The following ELOC variants were observed in gnomAD, a reference collection of about 807,000 sequenced individuals.
ELOC encodes elongin-C.
For synonymous variants in ELOC, 40 were observed against 51.3 expected (o/e 0.78, Z 0.94); for missense variants, 38 against 139.0 (o/e 0.27, Z 3.65).
intron 1 of ELOC, among the ~76,000 whole-genome samples, chr8:73,963,150 T>TA (rs1156588582): frequency 1.3e-5 from 2 of 152,198 alleles, no homozygotes; most frequent in African/African-American, 4.8e-5. Flanking sequence ...ATTAATCTCT[T>TA]AAAGTTTTTT....
In ELOC at chr8:73,946,916, G is replaced by T. The variant is rs184427429; in HGVS notation, c.149-96C>A. ...ACCCCTTGTACCACAGAATGTGGCT[G>T]TATTTAGAGATAAGTTCTTTAAAGA... On this transcript the variant is annotated intron_variant, in intron 3 of 3. Coordinates refer to ENST00000520242, the MANE Select transcript of ELOC (RefSeq NM_005648.4). 1.2e-4 allele frequency: 123 copies of T among 995,898 alleles called. 1 individual carries two copies. The African/African-American group carries it at 1.7e-3, about 14-fold the overall frequency. The allele number at this position is 995,898 out of a possible 1,614,324, so 61.7% of individuals were successfully genotyped here.
At chr8:73,947,930 A>G (rs1172955495) in intron 3 of ELOC, among the ~76,000 whole-genome samples, 6 of 152,148 alleles carry the variant, frequency 3.9e-5, no homozygotes, top group Non-Finnish European at 7.4e-5. Flanking sequence ...GGGGTGGCTC[A>G]TGCCTGTAAT....
At chr8:73,968,918 C>A (rs996780949) in intron 1 of ELOC, among the ~76,000 whole-genome samples, 1 of 152,186 alleles carries the variant, frequency 6.6e-6, no homozygotes, top group African/African-American at 2.4e-5. Flanking sequence ...ACATTTCTTC[C>A]TTAGTACTCC....
intron 1 of ELOC, among the ~76,000 whole-genome samples, chr8:73,965,493 ATAC>A (rs1814912662): frequency 6.6e-6 from 1 of 152,244 alleles, no homozygotes; most frequent in Admixed American, 6.5e-5. Flanking sequence ...GAATATAAAA[ATAC>A]TACACTAAGT....
chr8:73,961,061 T>C (rs1391181780), intron 1 of ELOC, among the ~76,000 whole-genome samples: 2 of 152,238 alleles, frequency 1.3e-5, no homozygotes, highest in Non-Finnish European at 2.9e-5. Flanking sequence ...AGTTTTGAAA[T>C]TTAACAATAA....
chr8:73,947,575 G>GT (rs1182868622), intron 3 of ELOC, among the ~76,000 whole-genome samples: 3 of 151,868 alleles, frequency 2.0e-5, no homozygotes, highest in African/African-American at 4.8e-5. Flanking sequence ...ATTAACCTAA[G>GT]TTTTTTTCTT....
At chr8:73,949,091 A>G (rs1813577804) in intron 3 of ELOC, among the ~76,000 whole-genome samples, 1 of 152,254 alleles carries the variant, frequency 6.6e-6, no homozygotes, top group Non-Finnish European at 1.5e-5. Flanking sequence ...TTTTCTTAGC[A>G]GTCTAGTACT....
chr8:73,950,766 C>T (rs1813701149), intron 3 of ELOC, among the ~76,000 whole-genome samples: 1 of 152,152 alleles, frequency 6.6e-6, no homozygotes, highest in South Asian at 2.1e-4. Context: ...GGAATTTTAA[C>T]TATGAGTTTA....
chr8:73,970,543 T>G (rs754686496), intron 1 of ELOC: 24 of 152,168 alleles, frequency 1.6e-4, no homozygotes, highest in African/African-American at 2.2e-4. Context: ...AAATCATCAT[T>G]GGCAAGAAAC....
intron 3 of ELOC, 99 bp downstream of exon 3, chr8:73,955,812 C>CTTATT: frequency 7.8e-7 from 1 of 1,284,936 alleles, no homozygotes; most frequent in South Asian, 1.4e-5. Flanking sequence ...TGTTAGAAGA[C>CTTATT]TTATTTTCTC....
In ELOC at chr8:73,955,912, T is replaced by C. The variant is rs1814146595; in HGVS notation, c.147A>G (p.Pro49=). 1.2e-6 allele frequency: 2 copies of C among 1,611,536 alleles called. No individual in the cohort carries two copies. Among genetic ancestry groups the C allele is most frequent in the Admixed American group, 1.7e-5 (1 of 59,888 alleles). ...SGTIKAMLSG[P]GQFAENETNE... ...AGAAAAAGACAGAACTGTGCTTACC[T>C]GGGCCACTCAACATGGCTTTTATCG... is the stretch of plus-strand genomic sequence containing the variant. The change falls in exon 3 of 4, where the codon CCA becomes CCG. Residue 49 remains proline (P), a splice_region_variant and synonymous_variant. Transcript: ENST00000520242.
chr8:73,969,143 T>A (rs180836748), intron 1 of ELOC, among the ~76,000 whole-genome samples: 1 of 152,336 alleles, frequency 6.6e-6, no homozygotes, highest in East Asian at 1.9e-4. Flanking sequence ...CTACTGCACA[T>A]ATTCTCAGGT....
chr8:73,947,730 A>G (rs997096088), intron 3 of ELOC, among the ~76,000 whole-genome samples: 3 of 151,690 alleles, frequency 2.0e-5, no homozygotes, highest in African/African-American at 7.3e-5. Context: ...GAGCGCCACC[A>G]TGTCTGGATA....
intron 3 of ELOC, among the ~76,000 whole-genome samples, chr8:73,949,394 A>T (rs532237041): frequency 2.7e-4 from 41 of 152,336 alleles, no homozygotes; most frequent in Admixed American, 5.2e-4. Flanking sequence ...GATTTTTCTA[A>T]AAGGTGAGAT....
intron 1 of ELOC, among the ~76,000 whole-genome samples, chr8:73,971,111 T>G (rs985114989): frequency 2.9e-5 from 4 of 139,600 alleles, no homozygotes; most frequent in African/African-American, 1.1e-4. Flanking sequence ...TTTAAGACAC[T>G]AAAGAATTTC....
intron 1 of ELOC, among the ~76,000 whole-genome samples, chr8:73,968,233 C>A (rs1815120580): frequency 6.6e-6 from 1 of 152,132 alleles, no homozygotes; most frequent in Non-Finnish European, 1.5e-5. Context: ...GACAATTGGA[C>A]TCAATTATGT....
At chr8:73,957,578 A>C (rs1814278502) in intron 2 of ELOC, among the ~76,000 whole-genome samples, 1 of 152,196 alleles carries the variant, frequency 6.6e-6, no homozygotes, top group African/African-American at 2.4e-5. Context: ...TCTAAAATTA[A>C]AATTAGTATC....
At position 73,970,853 on chromosome 8, in the gene ELOC, AAAAAACAAAACAAAAC is replaced by A. The variant is rs984693827; in HGVS notation, c.-51+1208_-51+1223del. ...AACATGGTGAAACCCCATCTCTACTAAAAAACAAAACAAAACAAAAAAAAAACAAAATTAGCCGGCA... is the reference window on the plus strand; with the variant it reads ...AACATGGTGAAACCCCATCTCTACTAAAAAAAAAAACAAAATTAGCCGGCA... On this transcript the variant is annotated intron_variant, in intron 1 of 3. Transcript: ENST00000520242. Among the ~76,000 whole-genome samples the A allele has an allele frequency of 2.1e-4, 29 of 137,084 alleles. No individual in the cohort carries two copies. In the East Asian group the frequency reaches 6.0e-3, roughly 28 times the overall value. 89.9% of individuals were successfully genotyped at this position (137,084 alleles called of 152,430 possible).
At position 73,945,739 on chromosome 8, in the gene ELOC, A is replaced by G. The variant is rs540717863; in HGVS notation, c.*891T>C. On this transcript the variant is annotated 3_prime_UTR_variant, in exon 4 of 4. Coordinates refer to ENST00000520242, the MANE Select transcript of ELOC (RefSeq NM_005648.4). ...ACTGTATCTCTTCACATGTTATTCC[A>G]TAACATTCTAATTGGATGGAGAAAG... 2 of 152,350 alleles carry G rather than the reference A, an allele frequency of 1.3e-5. No homozygotes were observed. Among genetic ancestry groups the G allele is most frequent in the East Asian group, 3.9e-4 (2 of 5,190 alleles). The allele number at this position is 152,350 out of a possible 1,614,324, so 9.4% of individuals were successfully genotyped here.
Sources: allele counts gnomAD v4.1 joint callset (sites outside exome capture counted in the v4.1 genomes callset), GRCh38; gene constraint gnomAD v4.1.1; transcripts MANE v1.5; gene names NCBI Gene and HGNC (gene_info 2026-07-23, HGNC 2026-07-21).